Variants in CYTH1 observed in about 807,000 individuals in gnomAD.
CYTH1 encodes the protein cytohesin 1.
A neutral mutation model predicts 61.8 loss-of-function variants in CYTH1; 18 were observed. The observed-to-expected ratio is 0.29, with a 90% CI of 0.20 to 0.43. CYTH1 has a LOEUF of 0.43. Among genes scored for constraint, CYTH1 ranks in the 20% least tolerant of loss-of-function variants. The pLI, the probability that CYTH1 is intolerant of heterozygous loss-of-function variation, is 1.00. For synonymous variants in CYTH1, 174 were observed against 184.3 expected (o/e 0.94, Z 0.45); for missense variants, 336 against 510.5 (o/e 0.66, Z 3.29).
intron 1 of CYTH1, among the ~76,000 whole-genome samples, chr17:78,731,952 C>T (rs1326765622): frequency 6.6e-6 from 1 of 152,130 alleles, no homozygotes; most frequent in Non-Finnish European, 1.5e-5. Context: ...TCTGATTTAA[C>T]CAGCAGTAAA....
chr17:78,717,355 G>T lies in CYTH1; in HGVS notation c.23-7623C>A, dbSNP rs1196972848. 2.6e-5 allele frequency among the ~76,000 whole-genome samples: 4 copies of T among 152,292 alleles called. No individual in the cohort carries two copies. The South Asian group carries it at 8.3e-4, about 32-fold the overall frequency. On this transcript the variant is annotated intron_variant, in intron 1 of 13. Coordinates refer to ENST00000446868, the MANE Select transcript of CYTH1 (RefSeq NM_004762.6). The surrounding 1 kb of genome is among the most constrained non-coding windows in gnomAD (Gnocchi z 4.4). Reference sequence around the variant, plus strand: ...GTGTCCGGCTGGCAGTCAGGGGGACGGTCCAGCATCAGCCCCATCACCATT... The same window carrying T: ...GTGTCCGGCTGGCAGTCAGGGGGACTGTCCAGCATCAGCCCCATCACCATT...
At chr17:78,736,451 C>T (rs1369458993) in intron 1 of CYTH1, among the ~76,000 whole-genome samples, 4 of 152,050 alleles carry the variant, frequency 2.6e-5, no homozygotes, top group Non-Finnish European at 5.9e-5. Context: ...CACACACACA[C>T]ATACACACAC....
chr17:78,713,866 G>A (rs2093158506), intron 1 of CYTH1, among the ~76,000 whole-genome samples: 2 of 151,998 alleles, frequency 1.3e-5, no homozygotes, highest in South Asian at 4.2e-4. Context: ...TTCAGAATCT[G>A]AGCACTCAAC....
rs75218627 is a variant in CYTH1 at position 78,747,762 on chromosome 17, G to T, written c.22+34440C>A. Among the ~76,000 whole-genome samples the T allele has an allele frequency of 4.5e-4, 68 of 152,234 alleles. No individual in the cohort carries two copies. The East Asian group carries it at 0.013, about 28-fold the overall frequency. On this transcript the variant is annotated intron_variant, in intron 1 of 13. Coordinates refer to ENST00000446868, the MANE Select transcript of CYTH1 (RefSeq NM_004762.6). ...ATGACTAAAGAATCTTCCCTTGTAG[G>T]GACAGACTTCATCTTCTTTACCCAC...
chr17:78,676,575 G>A (rs915512634), intron 13 of CYTH1: 3 of 283,994 alleles, frequency 1.1e-5, no homozygotes, highest in Admixed American at 5.1e-5. Context: ...GCAGTCCTCT[G>A]GCACGGGGTG....
At chr17:78,677,005 C>T (rs1049719268) in intron 13 of CYTH1, 8 of 456,068 alleles carry the variant, frequency 1.8e-5, no homozygotes, top group Admixed American at 1.2e-4. Context: ...CCCTGCTGAA[C>T]GGTGGCACCA....
intron 13 of CYTH1, chr17:78,677,236 G>A (rs1045835225): frequency 3.9e-5 from 15 of 380,136 alleles, no homozygotes; most frequent in African/African-American, 2.9e-4. Flanking sequence ...GGAGGTGTTG[G>A]GGTGAATCTC....
intron 1 of CYTH1, among the ~76,000 whole-genome samples, chr17:78,754,338 T>G (rs1441325231): frequency 6.6e-6 from 1 of 151,874 alleles, no homozygotes; most frequent in East Asian, 1.9e-4. Flanking sequence ...AATTGTGGGG[T>G]TTTTTGTTTT....
intron 1 of CYTH1, among the ~76,000 whole-genome samples, chr17:78,780,505 G>A (rs1010676987): frequency 2.6e-5 from 4 of 152,166 alleles, no homozygotes; most frequent in Admixed American, 6.5e-5. Context: ...AAGAGAGCTA[G>A]ACCCTGTCTC....
intron 1 of CYTH1, among the ~76,000 whole-genome samples, chr17:78,739,308 G>A (rs945246537): frequency 1.2e-4 from 18 of 152,236 alleles, no homozygotes; most frequent in Non-Finnish European, 2.4e-4. Context: ...AGCCACTAGT[G>A]AGACATCAGA....
intron 4 of CYTH1, 65 bp from the exon 5 acceptor site, chr17:78,702,305 G>T: frequency 7.3e-7 from 1 of 1,369,486 alleles, no homozygotes; most frequent in Non-Finnish European, 1.0e-6. Context: ...GAAGGGGAAA[G>T]GGCACAGGAA....
At chr17:78,697,360 CA>C (rs1158702545) in intron 9 of CYTH1, among the ~76,000 whole-genome samples, 2 of 150,886 alleles carry the variant, frequency 1.3e-5, no homozygotes, top group Non-Finnish European at 2.9e-5. Context: ...TCATTATGTC[CA>C]GAGAGTCTAG....
At chr17:78,696,341 G>C (rs796819105) in intron 9 of CYTH1, among the ~76,000 whole-genome samples, 1 of 152,250 alleles carries the variant, frequency 6.6e-6, no homozygotes, top group Non-Finnish European at 1.5e-5. Context: ...TCCAGAATCA[G>C]AGCAAAGAAA....
chr17:78,698,136 C>T, intron 9 of CYTH1, 133 bp downstream of exon 9: 2 of 761,334 alleles, frequency 2.6e-6, no homozygotes, highest in Non-Finnish European at 4.5e-6. Flanking sequence ...TGCGCGTGCA[C>T]ACACACGCAC....
At chr17:78,781,060 T>C (rs987618093) in intron 1 of CYTH1, among the ~76,000 whole-genome samples, 1 of 151,348 alleles carries the variant, frequency 6.6e-6, no homozygotes, top group Non-Finnish European at 1.5e-5. Flanking sequence ...AAATAAAAAA[T>C]TAGCCGGGCA....
At chr17:78,685,614 T>A (rs768263583) in intron 11 of CYTH1, among the ~76,000 whole-genome samples, 1 of 152,218 alleles carries the variant, frequency 6.6e-6, no homozygotes, top group Non-Finnish European at 1.5e-5. Flanking sequence ...TATATTTAAG[T>A]ATTAGTTCTG....
intron 1 of CYTH1, chr17:78,727,654 C>T: frequency 2.1e-6 from 1 of 471,084 alleles, no homozygotes; most frequent in Non-Finnish European, 4.4e-6. Flanking sequence ...CTGCCTCCAC[C>T]TACCAGCAGG....
intron 1 of CYTH1, among the ~76,000 whole-genome samples, chr17:78,734,462 A>G (rs2093311231): frequency 7.0e-6 from 1 of 142,192 alleles, no homozygotes; most frequent in Non-Finnish European, 1.5e-5. Flanking sequence ...TTTTTTAGAG[A>G]CAAAGTCTCA....
At chr17:78,711,923 A>T (rs2093136759) in intron 1 of CYTH1, among the ~76,000 whole-genome samples, 1 of 151,924 alleles carries the variant, frequency 6.6e-6, no homozygotes, top group African/African-American at 2.4e-5. Flanking sequence ...TAAAAAAAAT[A>T]CAAAAATTAG....
Sources: allele counts gnomAD v4.1 joint callset (sites outside exome capture counted in the v4.1 genomes callset), GRCh38; gene constraint gnomAD v4.1.1; non-coding constraint Gnocchi (gnomAD v3.1); transcripts MANE v1.5; gene names NCBI Gene and HGNC (gene_info 2026-07-23, HGNC 2026-07-21).